MICAL2: variants seen among roughly 807,000 people sequenced by gnomAD.
MICAL2 encodes microtubule associated monooxygenase, calponin and LIM domain containing 2.
MICAL2 carries 77 observed loss-of-function variants against 127.3 expected under a neutral mutation model. The observed-to-expected ratio is 0.60, with a 90% CI of 0.50 to 0.73. The LOEUF is 0.73. Ranked by LOEUF, MICAL2 falls within the 30% of genes least tolerant of loss-of-function variation. The pLI, the probability that MICAL2 is intolerant of heterozygous loss-of-function variation, is 0.00. For missense variants in MICAL2, 1,351 were observed against 1,434.4 expected (o/e 0.94, Z 0.94); for synonymous variants, 570 against 551.1 (o/e 1.03, Z -0.48).
Position 12,208,073 on chromosome 11 carries a change from G to A in MICAL2, c.523G>A (p.Val175Ile). 6.2e-7 allele frequency: 1 copy of A among 1,614,214 alleles called. No homozygotes were observed. The highest frequency in any genetic ancestry group is 8.5e-7 in the Non-Finnish European group (1 of 1,180,036). ...ATTCAAGGTGGCCCTGATGCTGGGA[G>A]TTGAAATCCATGTGAATGTGGAGTT... is the stretch of plus-strand genomic sequence containing the variant. Reference protein sequence around the residue: ...ILFKVALMLGVEIHVNVEFVK... With the variant: ...ILFKVALMLGIEIHVNVEFVK... The change falls in exon 5 of 28, where the codon GTT (valine) becomes ATT (isoleucine). Residue 175 changes from valine to isoleucine, a missense_variant. Physicochemically the swap from Val to Ile is conservative, Grantham distance 29. Transcript: ENST00000683283.
In MICAL2 at chr11:12,132,296, C is replaced by T. The variant is rs1407312863; in HGVS notation, c.-148-6094C>T. 2.6e-5 allele frequency among the ~76,000 whole-genome samples: 4 copies of T among 152,168 alleles called. No individual in the cohort carries two copies. In the East Asian group the frequency reaches 5.8e-4, roughly 22 times the overall value. ...CAGGAAATGCGACCCCTTGAACATT[C>T]CACTCTCTTTCAGATTTCTATCTGG... On this transcript the variant is annotated intron_variant, in intron 1 of 27. Coordinates refer to ENST00000683283, the MANE Select transcript of MICAL2 (RefSeq NM_001282663.2).
chr11:12,338,212 C>T (rs1180536147), intron 32 of MICAL2, among the ~76,000 whole-genome samples: 1 of 152,090 alleles, frequency 6.6e-6, no homozygotes, highest in Non-Finnish European at 1.5e-5. Flanking sequence ...TATGTAATGG[C>T]CTTCTTTGTC....
chr11:12,290,810 C>T (rs1035829262), downstream of MICAL2, among the ~76,000 whole-genome samples: 5 of 152,130 alleles, frequency 3.3e-5, no homozygotes, highest in East Asian at 1.9e-4. Context: ...CGCACATGTT[C>T]GCATTGATGT....
At chr11:12,304,021 C>T (rs971588164) in intron 29 of MICAL2, among the ~76,000 whole-genome samples, 4 of 152,118 alleles carry the variant, frequency 2.6e-5, no homozygotes, top group African/African-American at 9.7e-5. Flanking sequence ...GAGACCAATA[C>T]TGGTCACAAA....
chr11:12,154,773 A>G (rs768941985), intron 2 of MICAL2, among the ~76,000 whole-genome samples: 9 of 152,214 alleles, frequency 5.9e-5, no homozygotes, highest in Non-Finnish European at 1.2e-4. Flanking sequence ...CTCATTTGAT[A>G]CTTGTAGACT....
downstream of MICAL2, chr11:12,293,643 C>G: frequency 1.2e-6 from 2 of 1,614,096 alleles, no homozygotes. Flanking sequence ...CGAGCCGTAG[C>G]CCAAGGAGCA....
chr11:12,332,264 C>A (rs1938651559), intron 32 of MICAL2, among the ~76,000 whole-genome samples: 1 of 152,108 alleles, frequency 6.6e-6, no homozygotes, highest in African/African-American at 2.4e-5. Flanking sequence ...AAGGTTGTAC[C>A]CTTTCATCCA....
At chr11:12,307,182 T>C (rs1468555511) in intron 29 of MICAL2, among the ~76,000 whole-genome samples, 1 of 152,236 alleles carries the variant, frequency 6.6e-6, no homozygotes, top group Non-Finnish European at 1.5e-5. Context: ...AATTTGCATT[T>C]CCCTAGTGAC....
downstream of MICAL2, chr11:12,294,602 A>C (rs1392670429): frequency 6.2e-7 from 1 of 1,614,070 alleles, no homozygotes; most frequent in Admixed American, 1.7e-5. Flanking sequence ...TAAGCCTCCA[A>C]AGAAAAGAAT....
At chr11:12,131,901 G>C (rs1332798148) in intron 1 of MICAL2, among the ~76,000 whole-genome samples, 2 of 152,170 alleles carry the variant, frequency 1.3e-5, no homozygotes, top group African/African-American at 4.8e-5. Context: ...TTGCACACAG[G>C]TCCAGGCTCA....
chr11:12,285,537 G>C (rs11022274), intron 2 of MICAL2, among the ~76,000 whole-genome samples: 51,959 of 152,126 alleles, frequency 0.34, 9,669 homozygotes, highest in East Asian at 0.66. Flanking sequence ...AATGAACAAA[G>C]ACAGGGTGGA....
At chr11:12,189,174 T>G (rs1270361811) in intron 3 of MICAL2, among the ~76,000 whole-genome samples, 1 of 152,166 alleles carries the variant, frequency 6.6e-6, no homozygotes, top group Non-Finnish European at 1.5e-5. Flanking sequence ...AACCCCTCCT[T>G]TACATTCCTG....
chr11:12,119,510 G>A (rs1282135174), intron 1 of MICAL2, among the ~76,000 whole-genome samples: 1 of 152,220 alleles, frequency 6.6e-6, no homozygotes, highest in Admixed American at 6.5e-5. Context: ...GGTAGGCCAA[G>A]GAGGTGAAGG....
intron 4 of MICAL2, among the ~76,000 whole-genome samples, chr11:12,205,934 A>T (rs561489651): frequency 2.0e-5 from 3 of 152,304 alleles, no homozygotes; most frequent in East Asian, 3.9e-4. Context: ...AATTGATGGG[A>T]AAAAGGAATG....
chr11:12,256,763 A>G lies in MICAL2; in HGVS notation c.2956-22A>G, dbSNP rs766539768. On this transcript the variant is annotated intron_variant, in intron 23 of 27. Coordinates refer to ENST00000683283, the MANE Select transcript of MICAL2 (RefSeq NM_001282663.2). ...GCTCGGGATAAGCCATAATACACCCACTCTTCTCTCCCGATCCCCAGGAAT... is the reference window on the plus strand; with the variant it reads ...GCTCGGGATAAGCCATAATACACCCGCTCTTCTCTCCCGATCCCCAGGAAT... The G allele has an allele frequency of 1.1e-5, 18 of 1,588,142 alleles. No homozygotes were observed. The East Asian group carries it at 2.3e-4, about 20-fold the overall frequency.
intron 29 of MICAL2, among the ~76,000 whole-genome samples, chr11:12,306,961 T>G (rs1288697702): frequency 6.6e-6 from 1 of 152,192 alleles, no homozygotes; most frequent in Non-Finnish European, 1.5e-5. Context: ...TCCATTTGCC[T>G]TAGCCAAGTT....
chr11:12,282,043 G>C lies in MICAL2; in HGVS notation c.254+944G>C, dbSNP rs141087519. On this transcript the variant is annotated intron_variant, in intron 2 of 2. Coordinates refer to the MICAL2 transcript ENST00000529028. ...CTGCATCGCCACCTGGTGGTCATGA[G>C]CAGAATTGCCACCTGGTCCGTGAAA... is the stretch of plus-strand genomic sequence containing the variant. Among the ~76,000 whole-genome samples, 128 of 152,304 alleles carry C rather than the reference G, an allele frequency of 8.4e-4. 1 individual carries two copies. Among genetic ancestry groups the C allele is most frequent in the African/African-American group, 3.0e-3 (126 of 41,560 alleles).
intron 3 of MICAL2, among the ~76,000 whole-genome samples, chr11:12,187,717 C>G (rs1858493331): frequency 6.6e-6 from 1 of 152,190 alleles, no homozygotes; most frequent in African/African-American, 2.4e-5. Context: ...TTGTCCGTAT[C>G]TGTCTTACTT....
At chr11:12,269,498 G>A (rs981171475) in intron 24 of MICAL2, among the ~76,000 whole-genome samples, 6 of 152,186 alleles carry the variant, frequency 3.9e-5, no homozygotes, top group South Asian at 2.1e-4. Context: ...AAGATACAGC[G>A]TGTGCCCCCA....
Sources: allele counts gnomAD v4.1 joint callset (sites outside exome capture counted in the v4.1 genomes callset), GRCh38; gene constraint gnomAD v4.1.1; transcripts MANE v1.5; gene names NCBI Gene and HGNC (gene_info 2026-07-23, HGNC 2026-07-21).